BBS9: variants seen among roughly 807,000 people sequenced by gnomAD.
The protein encoded by BBS9 is Bardet-Biedl syndrome 9.
A neutral mutation model predicts 117.7 loss-of-function variants in BBS9; 89 were observed. The ratio of observed to expected loss-of-function variants is 0.76; its 90% CI spans 0.64 to 0.90. The LOEUF is 0.90. Ranked by LOEUF, BBS9 falls within the 40% of genes least tolerant of loss-of-function variation. The pLI, the probability that BBS9 is intolerant of heterozygous loss-of-function variation, is 0.00. For missense variants in BBS9, 982 were observed against 1,042.2 expected (o/e 0.94, Z 0.80); for synonymous variants, 379 against 370.9 (o/e 1.02, Z -0.25).
intron 9 of BBS9, among the ~76,000 whole-genome samples, chr7:33,295,497 C>T (rs983797574): frequency 6.6e-6 from 1 of 151,768 alleles, no homozygotes; most frequent in African/African-American, 2.4e-5. Flanking sequence ...CATCCCATTT[C>T]CCCCCATCTT....
intron 20 of BBS9, among the ~76,000 whole-genome samples, chr7:33,521,230 A>G (rs1003034976): frequency 2.0e-5 from 3 of 152,210 alleles, no homozygotes; most frequent in Non-Finnish European, 4.4e-5. Context: ...TCAAATAGAA[A>G]TGTTCCTGGC....
chr7:33,456,920 A>G (rs1234659554), intron 19 of BBS9, among the ~76,000 whole-genome samples: 1 of 152,216 alleles, frequency 6.6e-6, no homozygotes, highest in Non-Finnish European at 1.5e-5. Context: ...AATAGAAAAC[A>G]TCTGTAGAAC....
intron 9 of BBS9, among the ~76,000 whole-genome samples, chr7:33,315,172 C>T (rs1395069821): frequency 6.6e-6 from 1 of 152,148 alleles, no homozygotes; most frequent in Non-Finnish European, 1.5e-5. Context: ...TTCTGGAGGA[C>T]AGACTCCAAA....
At chr7:33,340,474 A>G (rs1344405062) in intron 10 of BBS9, among the ~76,000 whole-genome samples, 3 of 152,202 alleles carry the variant, frequency 2.0e-5, no homozygotes, top group Admixed American at 6.5e-5. Context: ...AAAAATAACT[A>G]CTAACATTAG....
At chr7:33,174,102 A>G (rs1292997767) in intron 4 of BBS9, among the ~76,000 whole-genome samples, 1 of 152,080 alleles carries the variant, frequency 6.6e-6, no homozygotes, top group Non-Finnish European at 1.5e-5. Context: ...CTGATCCTAG[A>G]CCCAGTCCAG....
chr7:33,256,018 G>A (rs1249496679), intron 5 of BBS9, among the ~76,000 whole-genome samples: 2 of 152,016 alleles, frequency 1.3e-5, no homozygotes, highest in Admixed American at 6.6e-5. Flanking sequence ...TTAGCTGGGC[G>A]TGGTGGTGCC....
intron 21 of BBS9, among the ~76,000 whole-genome samples, chr7:33,584,111 A>G (rs1273564668): frequency 2.0e-5 from 3 of 151,910 alleles, no homozygotes; most frequent in South Asian, 2.1e-4. Flanking sequence ...CCTCCACTAT[A>G]TTTTCTAAGT....
intron 17 of BBS9, chr7:33,379,822 AT>A (rs1293866690): frequency 2.7e-5 from 4 of 148,938 alleles, no homozygotes; most frequent in African/African-American, 1.0e-4. Flanking sequence ...AAAGGTACAT[AT>A]ACGTGAAAGG....
At chr7:33,133,181 G>A (rs1156831388) in intron 1 of BBS9, among the ~76,000 whole-genome samples, 1 of 151,722 alleles carries the variant, frequency 6.6e-6, no homozygotes, top group East Asian at 1.9e-4. Flanking sequence ...AAAGCATGAA[G>A]AATAACAAAA....
intron 9 of BBS9, among the ~76,000 whole-genome samples, chr7:33,332,759 T>A (rs1814400585): frequency 6.6e-6 from 1 of 152,124 alleles, no homozygotes; most frequent in Admixed American, 6.5e-5. Context: ...CCTAAACAAA[T>A]TACATACTAT....
chr7:33,181,543 G>A (rs1798097736), intron 5 of BBS9, among the ~76,000 whole-genome samples: 1 of 152,050 alleles, frequency 6.6e-6, no homozygotes, highest in African/African-American at 2.4e-5. Context: ...TTGATCATAA[G>A]ATAAGATTCT....
chr7:33,615,433 G>A (rs1360462957), intron 21 of BBS9, among the ~76,000 whole-genome samples: 8 of 152,024 alleles, frequency 5.3e-5, no homozygotes, highest in African/African-American at 1.7e-4. Flanking sequence ...AGAGATCACT[G>A]TAAAAGAAAT....
At chr7:33,449,912 G>A (rs750308718) in intron 19 of BBS9, among the ~76,000 whole-genome samples, 1 of 152,082 alleles carries the variant, frequency 6.6e-6, no homozygotes, top group Non-Finnish European at 1.5e-5. Context: ...CTGTTTCCAA[G>A]TGTATAGTAC....
At chr7:33,352,823 C>T (rs754969817) in intron 14 of BBS9, 36 bp from the exon 15 acceptor site, 2 of 1,608,120 alleles carry the variant, frequency 1.2e-6, no homozygotes, top group East Asian at 2.2e-5. Flanking sequence ...GCCTTCTTTT[C>T]CCCCTACCCA....
intron 19 of BBS9, among the ~76,000 whole-genome samples, chr7:33,500,334 G>T (rs1845274174): frequency 6.6e-6 from 1 of 152,126 alleles, no homozygotes; most frequent in African/African-American, 2.4e-5. Context: ...TTTGTATATT[G>T]GTTTATATTA....
At chr7:33,326,927 G>A (rs1425938468) in intron 9 of BBS9, among the ~76,000 whole-genome samples, 3 of 151,712 alleles carry the variant, frequency 2.0e-5, no homozygotes, top group Non-Finnish European at 4.4e-5. Context: ...TTCCAGAGCT[G>A]TGCACTACTT....
At chr7:33,504,156 C>T (rs948343635) in intron 19 of BBS9, among the ~76,000 whole-genome samples, 1 of 152,198 alleles carries the variant, frequency 6.6e-6, no homozygotes, top group Non-Finnish European at 1.5e-5. Context: ...AGGCACATAG[C>T]AAGCAATGCA....
At chr7:33,485,270 G>T in intron 19 of BBS9, among the ~76,000 whole-genome samples, 1 of 150,388 alleles carries the variant, frequency 6.6e-6, no homozygotes, top group South Asian at 2.1e-4. Context: ...TAACAAATCT[G>T]CACATCCCAT....
intron 5 of BBS9, among the ~76,000 whole-genome samples, chr7:33,191,721 G>T (rs956644862): frequency 3.9e-5 from 6 of 152,130 alleles, no homozygotes; most frequent in African/African-American, 1.4e-4. Context: ...TTAATTGAGT[G>T]CTTTGCAAAA....
Sources: allele counts gnomAD v4.1 joint callset (sites outside exome capture counted in the v4.1 genomes callset), GRCh38; gene constraint gnomAD v4.1.1; transcripts MANE v1.5; gene names NCBI Gene and HGNC (gene_info 2026-07-23, HGNC 2026-07-21).